Variants in DPYSL3 observed in about 807,000 individuals in gnomAD.
The protein encoded by DPYSL3 is dihydropyrimidinase like 3, also known as dihydropyrimidinase-related protein 3.
DPYSL3 carries 16 observed loss-of-function variants against 66.1 expected under a neutral mutation model. That is an observed-to-expected ratio of 0.24 (90% CI 0.16 to 0.37). The LOEUF (loss-of-function observed/expected upper bound fraction) is 0.37. Ranked by LOEUF, DPYSL3 falls within the 10% of genes least tolerant of loss-of-function variation. The pLI, the probability that DPYSL3 is intolerant of heterozygous loss-of-function variation, is 1.00. For synonymous variants in DPYSL3, 338 were observed against 345.1 expected, an observed-to-expected ratio of 0.98 and a Z score of 0.23; for missense variants, 738 against 916.2, an observed-to-expected ratio of 0.81 and a Z score of 2.51.
intron 12 of DPYSL3, among the ~76,000 whole-genome samples, chr5:147,396,539 A>G (rs992370048): frequency 5.9e-5 from 9 of 152,162 alleles, no homozygotes; most frequent in African/African-American, 1.9e-4. Context: ...ATGGATCATC[A>G]CAAGAAGTCC....
At chr5:147,401,897 A>G (rs1182643654) in intron 8 of DPYSL3, 2 of 492,642 alleles carry the variant, frequency 4.1e-6, no homozygotes, top group Non-Finnish European at 3.3e-6. Flanking sequence ...TCTCTAGATT[A>G]AAAGAAGCCA....
chr5:147,436,372 A>G (rs2126359829), intron 1 of DPYSL3, among the ~76,000 whole-genome samples: 1 of 152,384 alleles, frequency 6.6e-6, no homozygotes, highest in South Asian at 2.1e-4. Flanking sequence ...TAAGTTCTGG[A>G]GCAATATGCA....
At chr5:147,419,798 C>T (rs1752044734) in intron 2 of DPYSL3, among the ~76,000 whole-genome samples, 3 of 152,170 alleles carry the variant, frequency 2.0e-5, no homozygotes, top group African/African-American at 7.2e-5. Context: ...CACCACTGGG[C>T]CATTCCAGAG....
intron 1 of DPYSL3, among the ~76,000 whole-genome samples, chr5:147,432,855 G>T (rs1363640010): frequency 6.6e-6 from 1 of 152,216 alleles, no homozygotes; most frequent in Non-Finnish European, 1.5e-5. Context: ...AAACTAAACA[G>T]TGAACCTAGG....
At chr5:147,497,583 A>G (rs1753538748) in intron 1 of DPYSL3, among the ~76,000 whole-genome samples, 2 of 152,258 alleles carry the variant, frequency 1.3e-5, no homozygotes, top group Non-Finnish European at 2.9e-5. Context: ...TTGCTTCAAC[A>G]TTTGAGAATC....
intron 1 of DPYSL3, among the ~76,000 whole-genome samples, chr5:147,459,522 C>T (rs1752901373): frequency 6.6e-6 from 1 of 151,980 alleles, no homozygotes; most frequent in Admixed American, 6.6e-5. Flanking sequence ...AGAGATGATT[C>T]ACCTGCTATT....
At chr5:147,469,067 G>A (rs556601378) in intron 1 of DPYSL3, among the ~76,000 whole-genome samples, 4 of 152,176 alleles carry the variant, frequency 2.6e-5, no homozygotes, top group Non-Finnish European at 5.9e-5. Context: ...GGACAGAATG[G>A]CAGACTCCTC....
intron 1 of DPYSL3, among the ~76,000 whole-genome samples, chr5:147,456,206 G>A (rs193134548): frequency 1.3e-5 from 2 of 152,218 alleles, no homozygotes; most frequent in Admixed American, 1.3e-4. Flanking sequence ...GCCTTCCTTG[G>A]CCATAAGAAA....
rs926807616 is a variant in DPYSL3, at chr5:147,460,992, A to G, written c.382-36029T>C. Among the ~76,000 whole-genome samples the G allele has an allele frequency of 4.6e-5, 7 of 152,276 alleles. No individual in the cohort carries two copies. The South Asian group carries it at 1.5e-3, about 32-fold the overall frequency. On this transcript the variant is annotated intron_variant, in intron 1 of 13. Transcript: ENST00000343218. ...AGAAATTATTTAGGCAGATAGAGTAAAAGAGTCCTCATCAAGGCTTCCCTT... is the reference window on the plus strand; with the variant it reads ...AGAAATTATTTAGGCAGATAGAGTAGAAGAGTCCTCATCAAGGCTTCCCTT...
chr5:147,419,317 T>C (rs890302440), intron 2 of DPYSL3, among the ~76,000 whole-genome samples: 2 of 152,058 alleles, frequency 1.3e-5, no homozygotes, highest in African/African-American at 2.4e-5. Flanking sequence ...TGAGTGATTA[T>C]GAGAACCGCC....
At chr5:147,426,762 AG>A (rs1358165202) in intron 1 of DPYSL3, among the ~76,000 whole-genome samples, 2 of 152,246 alleles carry the variant, frequency 1.3e-5, no homozygotes, top group Non-Finnish European at 2.9e-5. Context: ...ATTTGAAGGT[AG>A]GCCCCATCTG....
At chr5:147,426,597 A>G (rs1392451705) in intron 1 of DPYSL3, among the ~76,000 whole-genome samples, 1 of 152,156 alleles carries the variant, frequency 6.6e-6, no homozygotes, top group Admixed American at 6.5e-5. Flanking sequence ...GAGACATCAT[A>G]TGCAGGGCCA....
At chr5:147,477,123 T>C (rs1320656305) in intron 1 of DPYSL3, among the ~76,000 whole-genome samples, 24 of 152,028 alleles carry the variant, frequency 1.6e-4, no homozygotes, top group Admixed American at 1.6e-3. Context: ...AAATTCCCAA[T>C]TCAGATAATA....
At chr5:147,453,512 G>A (rs1299375002) in intron 1 of DPYSL3, 12 of 1,516,074 alleles carry the variant, frequency 7.9e-6, no homozygotes, top group Non-Finnish European at 8.0e-6. Context: ...GACAGGGAGC[G>A]AGCGAGGAGG....
chr5:147,432,564 C>A (rs1752334551), intron 1 of DPYSL3, among the ~76,000 whole-genome samples: 1 of 152,140 alleles, frequency 6.6e-6, no homozygotes, highest in Non-Finnish European at 1.5e-5. Context: ...GCGTTCCAGA[C>A]ACAGATAAGT....
At chr5:147,415,111 T>C (rs1380656664) in intron 4 of DPYSL3, among the ~76,000 whole-genome samples, 1 of 152,138 alleles carries the variant, frequency 6.6e-6, no homozygotes, top group African/African-American at 2.4e-5. Context: ...CTAAATCATG[T>C]ACTCACTGAG....
chr5:147,478,370 A>G (rs760356878), intron 1 of DPYSL3, among the ~76,000 whole-genome samples: 2 of 152,216 alleles, frequency 1.3e-5, no homozygotes, highest in Non-Finnish European at 2.9e-5. Context: ...TTGCCTCAGT[A>G]AGAAAGAAGG....
At chr5:147,461,087 G>C (rs897536822) in intron 1 of DPYSL3, among the ~76,000 whole-genome samples, 3 of 152,176 alleles carry the variant, frequency 2.0e-5, no homozygotes, top group Admixed American at 2.0e-4. Context: ...CAGCCTGGAA[G>C]CTTGCACGGG....
chr5:147,496,574 CA>C (rs1184928813), intron 1 of DPYSL3, among the ~76,000 whole-genome samples: 2 of 152,086 alleles, frequency 1.3e-5, no homozygotes, highest in Admixed American at 6.5e-5. Flanking sequence ...ACAACCCCAT[CA>C]AAAAGTGGGT....
Sources: gnomAD v4.1 joint callset for allele counts (sites outside exome capture counted in the v4.1 genomes callset) on GRCh38, gnomAD v4.1.1 for gene constraint, MANE v1.5 for transcripts, NCBI Gene and HGNC (gene_info 2026-07-23, HGNC 2026-07-21) for gene names.